The following TTLL5 variants were observed in gnomAD, a reference collection of about 807,000 sequenced individuals.
TTLL5 encodes the protein tubulin polyglutamylase TTLL5.
A neutral mutation model predicts 168.4 loss-of-function variants in TTLL5; 132 were observed. The observed-to-expected ratio is 0.78, with a 90% CI of 0.68 to 0.91. The LOEUF is 0.91. TTLL5 is among the 40% of genes least tolerant of loss of function. TTLL5 has a pLI of 0.00. For missense variants in TTLL5, 1,545 were observed against 1,581.5 expected, an observed-to-expected ratio of 0.98 and a Z score of 0.39; for synonymous variants, 546 against 558.6, an observed-to-expected ratio of 0.98 and a Z score of 0.32.
intron 28 of TTLL5, among the ~76,000 whole-genome samples, chr14:75,854,738 G>T (rs1349706934): frequency 6.6e-6 from 1 of 152,128 alleles, no homozygotes; most frequent in East Asian, 1.9e-4. Flanking sequence ...GCATTTCCCT[G>T]ATGAGTACTG....
chr14:75,916,674 A>C (rs1024933481), intron 31 of TTLL5, among the ~76,000 whole-genome samples: 18 of 152,196 alleles, frequency 1.2e-4, no homozygotes, highest in Non-Finnish European at 2.2e-4. Flanking sequence ...ATGATCCAGC[A>C]ATTTCATTCT....
rs151205932 is a variant in TTLL5, at chr14:75,783,509, C to T, written c.2965C>T (p.Arg989Cys). 243 of 1,613,844 alleles carry T rather than the reference C, an allele frequency of 1.5e-4. No individual in the cohort carries two copies. The African/African-American group carries it at 2.6e-3, about 17-fold the overall frequency. The change falls in exon 26 of 32, where the codon CGT becomes TGT. Residue 989 changes from arginine to cysteine, a missense_variant. Transcript: ENST00000298832. The stretch of plus-strand genomic sequence containing the variant: ...ACACATCTATAGCCAGAAACTGTCT[C>T]GTCCCTCTTCAGCAAAGGCAGGTGA... Reference protein sequence around the residue: ...AAHIYSQKLSRPSSAKAGSCY... With the variant: ...AAHIYSQKLSCPSSAKAGSCY...
intron 6 of TTLL5, among the ~76,000 whole-genome samples, chr14:75,692,370 T>C (rs1171694217): frequency 6.6e-6 from 1 of 152,176 alleles, no homozygotes; most frequent in East Asian, 1.9e-4. Flanking sequence ...TTTTGTATGT[T>C]TTGTTTAACT....
At chr14:75,863,380 T>C (rs2030194797) in intron 28 of TTLL5, among the ~76,000 whole-genome samples, 1 of 152,150 alleles carries the variant, frequency 6.6e-6, no homozygotes, top group South Asian at 2.1e-4. Context: ...GGGAATGAAA[T>C]TGCTATTTCA....
intron 29 of TTLL5, among the ~76,000 whole-genome samples, chr14:75,867,310 AT>A (rs1297670383): frequency 2.6e-5 from 4 of 152,308 alleles, no homozygotes; most frequent in African/African-American, 4.8e-5. Flanking sequence ...TGTTAAAACA[AT>A]TGTTCCTCCA....
At chr14:75,792,101 C>A (rs1892759958) in intron 26 of TTLL5, among the ~76,000 whole-genome samples, 1 of 151,372 alleles carries the variant, frequency 6.6e-6, no homozygotes, top group East Asian at 1.9e-4. Context: ...TAAATAATTT[C>A]TTTTTGCCAG....
Position 75,902,212 on chromosome 14 carries a change from A to G in TTLL5, c.3811A>G (p.Thr1271Ala). The change falls in exon 31 of 32, where the codon ACC (threonine) becomes GCC (alanine). Residue 1271 changes from threonine to alanine, a missense_variant. By Grantham distance (58) the Thr-to-Ala change is moderately conservative. Transcript: ENST00000298832. ...SLNPAAFVPI[T>A]SSTDPAHTKI is the part of the protein sequence containing the mutation. ...TAACCCTGCAGCCTTTGTGCCCATCACCAGCTCTACAGGTTAGTGGGCACC... is the reference window on the plus strand; with the variant it reads ...TAACCCTGCAGCCTTTGTGCCCATCGCCAGCTCTACAGGTTAGTGGGCACC... 6.2e-7 allele frequency: 1 copy of G among 1,614,110 alleles called. No homozygotes were observed. Among genetic ancestry groups the G allele is most frequent in the South Asian group, 1.1e-5 (1 of 91,088 alleles).
At chr14:75,811,156 A>AGTGTGTGTGTGTGTGT (rs148883248) in intron 27 of TTLL5, among the ~76,000 whole-genome samples, 15 of 116,530 alleles carry the variant, frequency 1.3e-4, no homozygotes, top group Non-Finnish European at 1.7e-4. Flanking sequence ...TGAAAGAAAG[A>AGTGTGTGTGTGTGTGT]GTGTGTGTGT....
chr14:75,675,482 C>G (rs1884070548), intron 3 of TTLL5, among the ~76,000 whole-genome samples: 1 of 152,086 alleles, frequency 6.6e-6, no homozygotes, highest in Admixed American at 6.5e-5. Flanking sequence ...CAAGTTGCCT[C>G]TAGGGGCACA....
At chr14:75,866,389 AGC>A (rs909433737) in intron 29 of TTLL5, among the ~76,000 whole-genome samples, 2 of 152,190 alleles carry the variant, frequency 1.3e-5, no homozygotes, top group South Asian at 2.1e-4. Context: ...AAGTGTAGGG[AGC>A]CATTGGTATA....
At chr14:75,845,243 A>G (rs938318394) in intron 28 of TTLL5, among the ~76,000 whole-genome samples, 1 of 152,170 alleles carries the variant, frequency 6.6e-6, no homozygotes, top group Non-Finnish European at 1.5e-5. Context: ...ACCTATTTTT[A>G]AACTACATAA....
intron 28 of TTLL5, among the ~76,000 whole-genome samples, chr14:75,840,169 CAT>C (rs1896141604): frequency 6.6e-6 from 1 of 152,188 alleles, no homozygotes; most frequent in Non-Finnish European, 1.5e-5. Flanking sequence ...GCTTTTGCCA[CAT>C]GTGTTCTAAG....
chr14:75,672,779 C>G (rs541301582), intron 3 of TTLL5, among the ~76,000 whole-genome samples: 3 of 152,224 alleles, frequency 2.0e-5, no homozygotes, highest in South Asian at 2.1e-4. Flanking sequence ...GCTTATCTAA[C>G]TTGTTTGCAT....
At chr14:75,664,557 T>C (rs1338719705) in intron 2 of TTLL5, among the ~76,000 whole-genome samples, 1 of 152,248 alleles carries the variant, frequency 6.6e-6, no homozygotes, top group Non-Finnish European at 1.5e-5. Context: ...ATTGAATTTA[T>C]GGTGGGCTTC....
rs938682512 is a variant in TTLL5, at chr14:75,698,429, G to A, written c.503-759G>A. Among the ~76,000 whole-genome samples the A allele has an allele frequency of 3.3e-5, 5 of 152,136 alleles. No individual in the cohort carries two copies. In the East Asian group the frequency reaches 5.8e-4, roughly 18 times the overall value. ...ACAGTGAATTTTTTTTTATAAGCTC[G>A]AAATATTTAAGGAAAGTAGCTGTAT... On this transcript the variant is annotated intron_variant, in intron 6 of 31. Coordinates refer to ENST00000298832, the MANE Select transcript of TTLL5 (RefSeq NM_015072.5).
At chr14:75,849,576 T>A (rs926286547) in intron 28 of TTLL5, among the ~76,000 whole-genome samples, 2 of 152,206 alleles carry the variant, frequency 1.3e-5, no homozygotes, top group Non-Finnish European at 2.9e-5. Flanking sequence ...AGCAAACCAA[T>A]GAGTTGGCAG....
intron 28 of TTLL5, among the ~76,000 whole-genome samples, chr14:75,849,953 G>A (rs1896756650): frequency 1.3e-5 from 2 of 151,956 alleles, no homozygotes; most frequent in South Asian, 4.2e-4. Context: ...AAAAATACAA[G>A]AAATTAGCTG....
At chr14:75,687,291 G>C (rs969694623) in intron 5 of TTLL5, among the ~76,000 whole-genome samples, 12 of 152,012 alleles carry the variant, frequency 7.9e-5, no homozygotes, top group African/African-American at 2.9e-4. Flanking sequence ...GTTTTTTTGT[G>C]GGGGGACAGT....
chr14:75,923,547 T>C (rs1354227789), intron 31 of TTLL5, among the ~76,000 whole-genome samples: 1 of 152,276 alleles, frequency 6.6e-6, no homozygotes, highest in Non-Finnish European at 1.5e-5. Flanking sequence ...TCTTGAGTTC[T>C]AATTTGATTG....
Sources: allele counts gnomAD v4.1 joint callset (sites outside exome capture counted in the v4.1 genomes callset), GRCh38; gene constraint gnomAD v4.1.1; transcripts MANE v1.5; gene names NCBI Gene and HGNC (gene_info 2026-07-23, HGNC 2026-07-21).